The following PSD3 variants were observed in gnomAD, a reference collection of about 807,000 sequenced individuals.
PSD3 encodes pleckstrin and Sec7 domain containing 3.
Under a neutral mutation model 105.5 loss-of-function variants are expected in PSD3, and 49 were observed. The ratio of observed to expected loss-of-function variants is 0.46; its 90% CI spans 0.37 to 0.59. The LOEUF (loss-of-function observed/expected upper bound fraction) is 0.59. Ranked by LOEUF, PSD3 falls within the 20% of genes least tolerant of loss-of-function variation. The pLI is 0.00. For missense variants in PSD3, 1,561 were observed against 1,263.8 expected (o/e 1.24, Z -3.57); for synonymous variants, 557 against 457.8 (o/e 1.22, Z -2.77).
chr8:18,623,752 A>C (rs1806291094), intron 11 of PSD3, among the ~76,000 whole-genome samples: 1 of 152,144 alleles, frequency 6.6e-6, no homozygotes. Context: ...ATATATTATC[A>C]ATATAGTGAA....
At chr8:18,693,034 G>C (rs1480030092) in intron 9 of PSD3, among the ~76,000 whole-genome samples, 1 of 152,178 alleles carries the variant, frequency 6.6e-6, no homozygotes, top group African/African-American at 2.4e-5. Flanking sequence ...ATCTGAAACA[G>C]ACGCTGACAT....
Position 18,527,403 on chromosome 8 carries a change from C to T in PSD3, c.*8340G>A, listed in dbSNP as rs1278857490. 6.6e-6 allele frequency: 1 copy of T among 152,498 alleles called. No homozygotes were observed. The highest frequency in any genetic ancestry group is 1.5e-5 in the Non-Finnish European group (1 of 68,026). 9.4% of individuals were successfully genotyped at this position (152,498 alleles called of 1,614,324 possible). On this transcript the variant is annotated 3_prime_UTR_variant, in exon 16 of 16. Coordinates refer to ENST00000327040, the MANE Select transcript of PSD3 (RefSeq NM_015310.4). ...TCACTATTTTGCGTGATTTCTATTA[C>T]ATAAAAACCATTTAAATGCAATAAA...
intron 2 of PSD3, among the ~76,000 whole-genome samples, chr8:18,883,889 T>C (rs909622639): frequency 6.6e-6 from 1 of 152,188 alleles, no homozygotes; most frequent in Non-Finnish European, 1.5e-5. Flanking sequence ...CATGTGATAT[T>C]CATAAATGCA....
In PSD3 at chr8:19,049,341, G is replaced by A. The variant is rs112170007; in HGVS notation, c.324+34865C>T. Among the ~76,000 whole-genome samples, 48 of 152,252 alleles carry A rather than the reference G, an allele frequency of 3.2e-4. No homozygotes were observed. In the South Asian group the frequency reaches 8.5e-3, roughly 27 times the overall value. ...GAAATCCCTTAAATCTAAGCCATAT[G>A]TTTGAATGAGCTCCCTGTGCTTCTA... is the stretch of plus-strand genomic sequence containing the variant. On this transcript the variant is annotated intron_variant, in intron 1 of 1. Coordinates refer to the PSD3 transcript ENST00000521475.
At chr8:18,635,971 A>C (rs1420846038) in intron 10 of PSD3, among the ~76,000 whole-genome samples, 1 of 152,192 alleles carries the variant, frequency 6.6e-6, no homozygotes, top group African/African-American at 2.4e-5. Flanking sequence ...TAATGGTTTG[A>C]TAGGTGCAGC....
chr8:18,832,636 C>T (rs897073915), intron 4 of PSD3, among the ~76,000 whole-genome samples: 8 of 152,104 alleles, frequency 5.3e-5, no homozygotes, highest in African/African-American at 1.2e-4. Context: ...ATTCTCACAG[C>T]GCTAATAAAG....
chr8:18,636,465 T>C (rs1027738664), intron 10 of PSD3, among the ~76,000 whole-genome samples: 7 of 152,170 alleles, frequency 4.6e-5, no homozygotes, highest in Non-Finnish European at 1.0e-4. Context: ...TAATTTATAA[T>C]TGAAGAAAAG....
At chr8:18,682,686 A>C (rs1232350650) in intron 9 of PSD3, among the ~76,000 whole-genome samples, 1 of 152,200 alleles carries the variant, frequency 6.6e-6, no homozygotes, top group African/African-American at 2.4e-5. Flanking sequence ...TCTTAAAGTC[A>C]CACTAAGGTA....
At chr8:18,571,109 C>T (rs1802107844) in intron 14 of PSD3, among the ~76,000 whole-genome samples, 1 of 152,054 alleles carries the variant, frequency 6.6e-6, no homozygotes, top group African/African-American at 2.4e-5. Flanking sequence ...GATCTGCCCA[C>T]CTCGGCTTCC....
In PSD3 at chr8:18,984,192, AAATAATAAT is replaced by A. The variant is rs59486224; in HGVS notation, c.21+29362_21+29370del. On this transcript the variant is annotated intron_variant, in intron 1 of 15. Transcript: ENST00000327040. Reference sequence around the variant, plus strand: ...CAAAGTTGCCACAACCCTTCAATTAAAATAATAATAATAATAATAATAATAATATCTACA... The same window carrying A: ...CAAAGTTGCCACAACCCTTCAATTAAAATAATAATAATAATAATATCTACA... Among the ~76,000 whole-genome samples the A allele has an allele frequency of 3.9e-4, 57 of 146,436 alleles. No homozygotes were observed. In the Middle Eastern group the frequency reaches 0.011, roughly 27 times the overall value.
At chr8:18,604,543 A>G (rs910645689) in intron 11 of PSD3, among the ~76,000 whole-genome samples, 1 of 149,396 alleles carries the variant, frequency 6.7e-6, no homozygotes, top group African/African-American at 2.5e-5. Context: ...CACGTGATAG[A>G]AAAAAAAAAG....
upstream of PSD3, among the ~76,000 whole-genome samples, chr8:19,017,958 A>G (rs1827230175): frequency 6.6e-6 from 1 of 152,134 alleles, no homozygotes; most frequent in Admixed American, 6.5e-5. Context: ...TCGTGACTGT[A>G]TAACTTTATT....
chr8:18,693,074 A>G (rs1257769408), intron 9 of PSD3, among the ~76,000 whole-genome samples: 1 of 152,178 alleles, frequency 6.6e-6, no homozygotes, highest in Non-Finnish European at 1.5e-5. Context: ...TAAAACATGG[A>G]GATGATGAAC....
At chr8:18,661,852 T>C (rs1044766593) in intron 9 of PSD3, among the ~76,000 whole-genome samples, 2 of 152,214 alleles carry the variant, frequency 1.3e-5, no homozygotes, top group African/African-American at 4.8e-5. Context: ...TTTAAGCTAT[T>C]TGTGTTCTCC....
At chr8:18,892,175 T>TCACACACA (rs60102889) in intron 2 of PSD3, among the ~76,000 whole-genome samples, 38,520 of 149,814 alleles carry the variant, frequency 0.26, 5,376 homozygotes, top group South Asian at 0.35. Context: ...TTACTTACAA[T>TCACACACA]CACACACACA....
intron 1 of PSD3, among the ~76,000 whole-genome samples, chr8:18,951,240 T>A (rs578073024): frequency 6.6e-6 from 1 of 151,810 alleles, no homozygotes; most frequent in African/African-American, 2.4e-5. Flanking sequence ...ACAAAAAATT[T>A]AAAAAATAGC....
intron 1 of PSD3, among the ~76,000 whole-genome samples, chr8:19,065,156 C>T (rs1318745177): frequency 6.6e-6 from 1 of 152,114 alleles, no homozygotes; most frequent in Non-Finnish European, 1.5e-5. Flanking sequence ...CTTTTTGTTC[C>T]TTGTGTCTGC....
intron 1 of PSD3, among the ~76,000 whole-genome samples, chr8:18,950,861 G>A (rs1823193118): frequency 6.6e-6 from 1 of 152,100 alleles, no homozygotes; most frequent in African/African-American, 2.4e-5. Flanking sequence ...TCCAAGAACT[G>A]TCCTGTGTCA....
intron 1 of PSD3, among the ~76,000 whole-genome samples, chr8:19,012,680 G>A (rs570351005): frequency 7.9e-5 from 12 of 152,302 alleles, no homozygotes; most frequent in African/African-American, 2.6e-4. Context: ...CCTAGCTACC[G>A]GGCTTTGCAA....
Sources: allele counts gnomAD v4.1 joint callset (sites outside exome capture counted in the v4.1 genomes callset), GRCh38; gene constraint gnomAD v4.1.1; transcripts MANE v1.5; gene names NCBI Gene and HGNC (gene_info 2026-07-23, HGNC 2026-07-21).